The following PRRC2B variants were observed in gnomAD, a reference collection of about 807,000 sequenced individuals.
The protein encoded by PRRC2B is proline rich coiled-coil 2B.
Under a neutral mutation model 242.3 loss-of-function variants are expected in PRRC2B, and 68 were observed. The observed-to-expected ratio is 0.28, with a 90% CI of 0.23 to 0.34. The LOEUF is 0.34. Among genes scored for constraint, PRRC2B ranks in the 10% least tolerant of loss-of-function variants. The pLI is 1.00. For synonymous variants in PRRC2B, 1,228 were observed against 1,173.6 expected (o/e 1.05, Z -0.95); for missense variants, 2,835 against 2,954.8 (o/e 0.96, Z 0.94).
intron 1 of PRRC2B, among the ~76,000 whole-genome samples, chr9:131,394,562 CAG>C (rs1836988656): frequency 6.7e-6 from 1 of 150,262 alleles, no homozygotes; most frequent in Admixed American, 6.6e-5. Context: ...GCGACTCCCT[CAG>C]GGCTCGCCCG....
chr9:131,458,662 CTGG>C (rs1943153898), intron 10 of PRRC2B, among the ~76,000 whole-genome samples: 2 of 152,102 alleles, frequency 1.3e-5, no homozygotes, highest in South Asian at 4.1e-4. Context: ...GCTACCACAC[CTGG>C]CTAATTTTTG....
chr9:131,420,490 TTTC>T (rs1256676244), intron 1 of PRRC2B, among the ~76,000 whole-genome samples: 358 of 20,984 alleles, frequency 0.017, 9 homozygotes, highest in South Asian at 0.076. Context: ...TCTTTCTTTC[TTTC>T]TTTTTTTTTT....
chr9:131,400,805 T>C (rs1837207930), intron 1 of PRRC2B, among the ~76,000 whole-genome samples: 2 of 152,216 alleles, frequency 1.3e-5, no homozygotes, highest in African/African-American at 4.8e-5. Flanking sequence ...CTCCATTTAC[T>C]GGTTTGAACC....
At chr9:131,438,650 G>T (rs948317861) in intron 4 of PRRC2B, among the ~76,000 whole-genome samples, 3 of 152,180 alleles carry the variant, frequency 2.0e-5, no homozygotes, top group African/African-American at 7.2e-5. Context: ...GTAGCTCTCT[G>T]TGGACACGGG....
chr9:131,384,083 ATTTTT>A (rs111724850), intron 1 of PRRC2B, among the ~76,000 whole-genome samples: 1 of 58,988 alleles, frequency 1.7e-5, no homozygotes, highest in Non-Finnish European at 3.3e-5. Context: ...ATACCCGGCT[ATTTTT>A]TTTTTTTTTT....
chr9:131,459,347 T>C lies in PRRC2B; in HGVS notation c.1395T>C (p.Pro465=). 1 of 1,612,950 alleles carries C rather than the reference T, an allele frequency of 6.2e-7. No homozygotes were observed. Residue 465 remains proline (P), a synonymous_variant, in exon 11 of 32, where the codon CCT becomes CCC. Coordinates refer to ENST00000683519, the MANE Select transcript of PRRC2B (RefSeq NM_013318.4). ...AGCTTCATGGCTGGGCACCAGGCCC[T>C]GACTACCAGGTACCAAGGGCCCTTG... ...PRKLHGWAPG[P]DYQKSSMGSM...
chr9:131,493,662 G>A (rs991877841), intron 30 of PRRC2B, among the ~76,000 whole-genome samples: 6 of 152,240 alleles, frequency 3.9e-5, no homozygotes, highest in Non-Finnish European at 8.8e-5. Context: ...TGCTATAATT[G>A]TATAAAGCAG....
rs891988555 is a variant in PRRC2B, at chr9:131,403,647, G to A, written c.-52+9384G>A. ...TAGAATTACAGGCGTGAGCCACTGCGCCTGGCCCATACTTTAAAAAAAAAA... is the reference window on the plus strand; with the variant it reads ...TAGAATTACAGGCGTGAGCCACTGCACCTGGCCCATACTTTAAAAAAAAAA... On this transcript the variant is annotated intron_variant, in intron 1 of 31. Transcript: ENST00000683519. Among the ~76,000 whole-genome samples the A allele has an allele frequency of 1.8e-4, 26 of 140,580 alleles. No homozygotes were observed. In the South Asian group the frequency reaches 5.4e-3, roughly 29 times the overall value. The allele number at this position is 140,580 out of a possible 152,430, so 92.2% of individuals were successfully genotyped here.
At chr9:131,460,322 C>T (rs539522732) in intron 11 of PRRC2B, among the ~76,000 whole-genome samples, 70 of 152,314 alleles carry the variant, frequency 4.6e-4, no homozygotes, top group Middle Eastern at 3.4e-3. Flanking sequence ...TCAGCCTTTC[C>T]TTCACTTTCA....
At chr9:131,378,726 G>GT (rs750960642) in intron 1 of PRRC2B, among the ~76,000 whole-genome samples, 59 of 151,968 alleles carry the variant, frequency 3.9e-4, no homozygotes, top group African/African-American at 1.3e-3. Context: ...TTTTGTTTTT[G>GT]TTTTTTTAAT....
intron 9 of PRRC2B, among the ~76,000 whole-genome samples, chr9:131,448,402 G>T (rs1838875159): frequency 1.3e-5 from 2 of 151,802 alleles, no homozygotes; most frequent in Non-Finnish European, 2.9e-5. Flanking sequence ...AAATTAGCCA[G>T]GTGTGGTGGC....
chr9:131,496,003 C>G lies in PRRC2B; in HGVS notation c.*129C>G. ...GCGTGGCCCAGACTGAGAGACCTCC[C>G]TCCTCTCCACTCCCGAAAGCTCCGT... On this transcript the variant is annotated 3_prime_UTR_variant, in exon 32 of 32. Transcript: ENST00000683519. 2 of 1,235,050 alleles carry G rather than the reference C, an allele frequency of 1.6e-6. No homozygotes were observed. Among genetic ancestry groups the G allele is most frequent in the South Asian group, 3.0e-5 (2 of 67,548 alleles). 76.5% of individuals were successfully genotyped at this position (1,235,050 alleles called of 1,614,324 possible). A position where few individuals can be genotyped will look rare whatever the true frequency, so the allele number is the denominator to read the frequency against.
chr9:131,493,749 G>C (rs532129870), intron 30 of PRRC2B, among the ~76,000 whole-genome samples: 1 of 152,328 alleles, frequency 6.6e-6, no homozygotes, highest in African/African-American at 2.4e-5. Flanking sequence ...TCAGGTCCTT[G>C]GGGGAGTGCT....
intron 19 of PRRC2B, among the ~76,000 whole-genome samples, chr9:131,480,323 A>G (rs1339841060): frequency 1.3e-5 from 2 of 152,238 alleles, no homozygotes; most frequent in African/African-American, 4.8e-5. Flanking sequence ...AACATTCAAC[A>G]TGCCCAGCTT....
intron 22 of PRRC2B, 88 bp from the exon 23 acceptor site, chr9:131,483,271 G>C: frequency 2.3e-6 from 3 of 1,292,008 alleles, no homozygotes; most frequent in Non-Finnish European, 3.3e-6. Flanking sequence ...TTTGAGTCGG[G>C]GAAACTGCAT....
rs995646851 is a variant in PRRC2B at position 131,474,853 on chromosome 9, C to T, written c.2724C>T (p.Pro908=). Reference sequence around the variant, plus strand: ...CCTCCTGGGACAAGAACGGGAGCCCCAACAAACAGCCATCCTCGGAGCCTG... The same window carrying T: ...CCTCCTGGGACAAGAACGGGAGCCCTAACAAACAGCCATCCTCGGAGCCTG... ...NISSWDKNGS[P]NKQPSSEPEW... is the part of the protein sequence containing the mutation. Residue 908 remains proline, a synonymous_variant, in exon 16 of 32, where the codon CCC becomes CCT. Coordinates refer to ENST00000683519, the MANE Select transcript of PRRC2B (RefSeq NM_013318.4). 1.2e-6 allele frequency: 2 copies of T among 1,609,160 alleles called. No individual in the cohort carries two copies. Among genetic ancestry groups the T allele is most frequent in the African/African-American group, 1.3e-5 (1 of 74,962 alleles).
At position 131,487,842 on chromosome 9, in the gene PRRC2B, T is replaced by G; in HGVS notation, c.5985-14T>G. The G allele has an allele frequency of 1.3e-6, 2 of 1,599,618 alleles. No homozygotes were observed. The highest frequency in any genetic ancestry group is 1.7e-6 in the Non-Finnish European group (2 of 1,168,326). ...TCATCCACCTGATCCCGACCATCTG[T>G]CTGGCTTTTGCAGATCTCAGGTGTA... On this transcript the variant is annotated splice_polypyrimidine_tract_variant and intron_variant, in intron 27 of 31. Coordinates refer to ENST00000683519, the MANE Select transcript of PRRC2B (RefSeq NM_013318.4). This position sits in a 1 kb window ranked among gnomAD's most constrained non-coding sequence, Gnocchi z 5.3.
Position 131,487,218 on chromosome 9 carries a change from C to G in PRRC2B, c.5908C>G (p.Gln1970Glu). 1 of 1,613,714 alleles carries G rather than the reference C, an allele frequency of 6.2e-7. No homozygotes were observed. Among genetic ancestry groups the G allele is most frequent in the Non-Finnish European group, 8.5e-7 (1 of 1,179,682 alleles). The change falls in exon 27 of 32, where the codon CAA becomes GAA. Residue 1970 changes from glutamine to glutamate, a missense_variant. Around this residue, in one of 7 missense-constraint regions of PRRC2B, gnomAD observed 574 missense variants for 626.0 expected, o/e 0.92. Transcript: ENST00000683519. The surrounding 1 kb of genome is among the most constrained non-coding windows in gnomAD (Gnocchi z 5.3). ...CTCCCTTCACACATCTCTGCAGGCA[C>G]AAGCTCAGCTTGGACTGAGGGGTGG... ...PISLHTSLQAQAQLGLRGGLP... is the reference protein window; with the variant it reads ...PISLHTSLQAEAQLGLRGGLP...
At chr9:131,491,891 TAAG>T (rs973710768) in intron 29 of PRRC2B, among the ~76,000 whole-genome samples, 8 of 152,340 alleles carry the variant, frequency 5.3e-5, no homozygotes, top group African/African-American at 1.9e-4. Flanking sequence ...TTCTTGCTTC[TAAG>T]AAGAAGCCCT....
Sources: allele counts gnomAD v4.1 joint callset (sites outside exome capture counted in the v4.1 genomes callset), GRCh38; gene constraint gnomAD v4.1.1; regional missense constraint gnomAD v4.1.1; non-coding constraint Gnocchi (gnomAD v3.1); transcripts MANE v1.5; gene names NCBI Gene and HGNC (gene_info 2026-07-23, HGNC 2026-07-21).